Variants in PIP4K2A observed in about 807,000 individuals in gnomAD.
The protein encoded by PIP4K2A is phosphatidylinositol 5-phosphate 4-kinase type-2 alpha.
A neutral mutation model predicts 42.9 loss-of-function variants in PIP4K2A; 14 were observed. That is an observed-to-expected ratio of 0.33 (90% confidence interval 0.22 to 0.51). The LOEUF (loss-of-function observed/expected upper bound fraction) is 0.51, where lower values mean the gene tolerates loss of function less well. Among genes scored for constraint, PIP4K2A ranks in the 20% least tolerant of loss-of-function variants. The probability of loss-of-function intolerance (pLI) is 0.97; values close to 1 mark genes in which losing one functional copy is unlikely to be tolerated. For synonymous variants in PIP4K2A, 192 were observed against 192.2 expected, an observed-to-expected ratio of 1.00 and a Z score of 0.01; for missense variants, 434 against 519.8, an observed-to-expected ratio of 0.83 and a Z score of 1.61.
chr10:22,571,637 T>C (rs1038430970), intron 5 of PIP4K2A, among the ~76,000 whole-genome samples: 5 of 152,258 alleles, frequency 3.3e-5, no homozygotes, highest in African/African-American at 7.2e-5. Flanking sequence ...AAAAAGTTCA[T>C]TGATATGATT....
chr10:22,639,860 C>T (rs1311267578), intron 1 of PIP4K2A, among the ~76,000 whole-genome samples: 1 of 152,176 alleles, frequency 6.6e-6, no homozygotes, highest in African/African-American at 2.4e-5. Context: ...TAAATTCACA[C>T]TCCCTGCTCC....
intron 1 of PIP4K2A, among the ~76,000 whole-genome samples, chr10:22,699,257 T>C (rs34504573): frequency 0.14 from 21,521 of 152,160 alleles, 1,923 homozygotes; most frequent in South Asian, 0.24. Context: ...GAACCTAATT[T>C]ATGAATGGGT....
chr10:22,610,776 G>A (rs564305231), intron 1 of PIP4K2A, among the ~76,000 whole-genome samples: 1 of 152,136 alleles, frequency 6.6e-6, no homozygotes, highest in Non-Finnish European at 1.5e-5. Context: ...CTCAACAAAG[G>A]CTTCAACGTT....
chr10:22,644,786 T>C (rs1215378976), intron 1 of PIP4K2A, among the ~76,000 whole-genome samples: 1 of 152,252 alleles, frequency 6.6e-6, no homozygotes, highest in Non-Finnish European at 1.5e-5. Flanking sequence ...TTCTAGGACC[T>C]ACACTTGTGC....
chr10:22,569,907 G>C (rs182280278), intron 5 of PIP4K2A, among the ~76,000 whole-genome samples: 2 of 152,074 alleles, frequency 1.3e-5, no homozygotes, highest in East Asian at 3.8e-4. Flanking sequence ...TCACAACTGA[G>C]AGCACTGGCA....
chr10:22,686,281 T>A (rs1007420822), intron 1 of PIP4K2A, among the ~76,000 whole-genome samples: 1 of 152,210 alleles, frequency 6.6e-6, no homozygotes, highest in African/African-American at 2.4e-5. Flanking sequence ...AATCTCCCAA[T>A]AGATTCCACA....
intron 1 of PIP4K2A, among the ~76,000 whole-genome samples, chr10:22,657,491 G>T (rs1312449902): frequency 1.3e-5 from 2 of 152,128 alleles, no homozygotes; most frequent in Non-Finnish European, 2.9e-5. Context: ...AGCAATTTTG[G>T]ATTTTTCTTT....
intron 1 of PIP4K2A, among the ~76,000 whole-genome samples, chr10:22,673,859 G>C (rs73598590): frequency 6.6e-6 from 1 of 152,088 alleles, no homozygotes; most frequent in Admixed American, 6.5e-5. Context: ...TAATACACTG[G>C]ATGGCACTCA....
intron 1 of PIP4K2A, among the ~76,000 whole-genome samples, chr10:22,678,876 G>A (rs1839611129): frequency 6.6e-6 from 1 of 152,216 alleles, no homozygotes; most frequent in Non-Finnish European, 1.5e-5. Flanking sequence ...TATACCTAGA[G>A]TATTAGACAG....
chr10:22,567,635 C>T, intron 6 of PIP4K2A: 1 of 720,972 alleles, frequency 1.4e-6, no homozygotes, highest in Non-Finnish European at 2.6e-6. Context: ...ACCATGCTTG[C>T]AACAAATAAC....
At chr10:22,625,107 C>T (rs958619503) in intron 1 of PIP4K2A, among the ~76,000 whole-genome samples, 4 of 152,150 alleles carry the variant, frequency 2.6e-5, no homozygotes, top group Non-Finnish European at 4.4e-5. Flanking sequence ...ATAATAATTT[C>T]GTATGATTTA....
intron 4 of PIP4K2A, among the ~76,000 whole-genome samples, chr10:22,574,447 T>G (rs1285037202): frequency 7.1e-6 from 1 of 140,810 alleles, no homozygotes; most frequent in South Asian, 2.1e-4. Context: ...ATTTTCTGTT[T>G]TTTTTTTTTT....
At chr10:22,674,415 C>CAAAAA (rs1002492534) in intron 1 of PIP4K2A, among the ~76,000 whole-genome samples, 1,171 of 61,006 alleles carry the variant, frequency 0.019, 45 homozygotes, top group African/African-American at 0.031. Context: ...CACTTGGGAG[C>CAAAAA]AAAAAAAAAA....
chr10:22,600,381 C>T (rs543399467), intron 3 of PIP4K2A, among the ~76,000 whole-genome samples: 3 of 152,238 alleles, frequency 2.0e-5, no homozygotes, highest in Non-Finnish European at 4.4e-5. Flanking sequence ...CATCTCCTCA[C>T]GGTGGCACAG....
At chr10:22,539,310 ACTATC>A (rs1836023852) in intron 9 of PIP4K2A, among the ~76,000 whole-genome samples, 1 of 152,174 alleles carries the variant, frequency 6.6e-6, no homozygotes, top group East Asian at 1.9e-4. Flanking sequence ...CAGGTACACT[ACTATC>A]TCTTTCATAG....
chr10:22,576,581 T>C (rs1395424660), intron 4 of PIP4K2A, among the ~76,000 whole-genome samples: 1 of 152,214 alleles, frequency 6.6e-6, no homozygotes, highest in Admixed American at 6.5e-5. Context: ...ATTACCTGTG[T>C]GACCTTGGGA....
intron 1 of PIP4K2A, among the ~76,000 whole-genome samples, chr10:22,624,033 A>AGG (rs1838386768): frequency 6.6e-6 from 1 of 152,216 alleles, no homozygotes; most frequent in Non-Finnish European, 1.5e-5. Context: ...GCCTAGAGAT[A>AGG]CCAGCTAATG....
intron 1 of PIP4K2A, among the ~76,000 whole-genome samples, chr10:22,626,846 T>C (rs1294897238): frequency 6.6e-6 from 1 of 152,226 alleles, no homozygotes; most frequent in Non-Finnish European, 1.5e-5. Flanking sequence ...AGTACTTTCT[T>C]TTAGCCTAGT....
intron 3 of PIP4K2A, among the ~76,000 whole-genome samples, chr10:22,598,034 A>G (rs1197661949): frequency 6.6e-6 from 1 of 152,230 alleles, no homozygotes; most frequent in African/African-American, 2.4e-5. Context: ...GGAGAGTTAT[A>G]TGGTCTGCAA....
Sources: gnomAD v4.1 joint callset for allele counts (sites outside exome capture counted in the v4.1 genomes callset) on GRCh38, gnomAD v4.1.1 for gene constraint, MANE v1.5 for transcripts, NCBI Gene and HGNC (gene_info 2026-07-23, HGNC 2026-07-21) for gene names.